The following NEO1 variants were observed in gnomAD, a reference collection of about 807,000 sequenced individuals.
NEO1 encodes the protein neogenin 1.
NEO1 carries 63 observed loss-of-function variants against 159.7 expected under a neutral mutation model. The ratio of observed to expected loss-of-function variants is 0.39; its 90% CI spans 0.32 to 0.49. The LOEUF (loss-of-function observed/expected upper bound fraction) is 0.49. NEO1 is among the 20% of genes least tolerant of loss of function. The pLI is 0.85. For missense variants in NEO1, 1,615 were observed against 1,831.0 expected (o/e 0.88, Z 2.15); for synonymous variants, 633 against 662.0 (o/e 0.96, Z 0.67).
Position 73,260,392 on chromosome 15 carries a change from T to C in NEO1, c.2325T>C (p.Tyr775=), listed in dbSNP as rs1189685713. Reference sequence around the variant, plus strand: ...TGGTCAGAGGTTACGCCATTGGTTATGGCATTGGCAGCCCTCATGCCCAGA... The same window carrying C: ...TGGTCAGAGGTTACGCCATTGGTTACGGCATTGGCAGCCCTCATGCCCAGA... ...NIVVRGYAIG[Y]GIGSPHAQTI... is the part of the protein sequence containing the mutation. The change falls in exon 15 of 29, where the codon TAT becomes TAC. Residue 775 remains tyrosine (Y), a synonymous_variant. Transcript: ENST00000261908. 2.5e-6 allele frequency: 4 copies of C among 1,614,092 alleles called. No homozygotes were observed. The highest frequency in any genetic ancestry group is 1.1e-5 in the South Asian group (1 of 91,072).
In NEO1 at chr15:73,128,446, A is replaced by G. The variant is rs75285219; in HGVS notation, c.878+1876A>G. On this transcript the variant is annotated intron_variant, in intron 4 of 28. Transcript: ENST00000261908. ...TAAAACTTATATATAATGATTTTTT[A>G]TGTCAGAAATAAATGTGAGGCTTTC... 8.7e-3 allele frequency among the ~76,000 whole-genome samples: 1,322 copies of G among 152,264 alleles called. 23 individuals carry two copies. Among genetic ancestry groups the G allele is most frequent in the African/African-American group, 0.03 (1,246 of 41,556 alleles).
At chr15:73,295,146 A>ATATATATATATAT (rs1277362385) in intron 26 of NEO1, among the ~76,000 whole-genome samples, 37 of 140,170 alleles carry the variant, frequency 2.6e-4, no homozygotes, top group African/African-American at 3.8e-4. Flanking sequence ...ATATATATGT[A>ATATATATATATAT]AAAATTTGGC....
chr15:73,211,962 T>TA (rs1197906033), intron 7 of NEO1, among the ~76,000 whole-genome samples: 1 of 152,242 alleles, frequency 6.6e-6, no homozygotes, highest in African/African-American at 2.4e-5. Flanking sequence ...ATTTGTCTGA[T>TA]ACTTTTTTGT....
At chr15:73,175,995 T>C (rs1402811368) in intron 5 of NEO1, among the ~76,000 whole-genome samples, 2 of 152,218 alleles carry the variant, frequency 1.3e-5, no homozygotes, top group African/African-American at 4.8e-5. Context: ...TGTTCTTACT[T>C]ATCAAGCTGA....
intron 8 of NEO1, among the ~76,000 whole-genome samples, chr15:73,240,356 G>C (rs1303586674): frequency 6.6e-6 from 1 of 152,152 alleles, no homozygotes; most frequent in Admixed American, 6.5e-5. Flanking sequence ...GTTGGCAGGG[G>C]CAGGTGGGCA....
chr15:73,188,972 A>G (rs2152003447), intron 7 of NEO1, among the ~76,000 whole-genome samples: 1 of 152,138 alleles, frequency 6.6e-6, no homozygotes, highest in African/African-American at 2.4e-5. Context: ...GGTGGCACAC[A>G]CCTTTGGTCC....
At position 73,298,561 on chromosome 15, in the gene NEO1, C is replaced by T. The variant is rs1208130544; in HGVS notation, c.4115C>T (p.Pro1372Leu). ...FAVPAIPPPG[P>L]PTYDPALPST... The stretch of plus-strand genomic sequence containing the variant: ...GTGCCAGCAATCCCGCCTCCAGGAC[C>T]TCCCACCTATGATCCTGCATTGCCA... Residue 1372 changes from proline to leucine, a missense_variant, in exon 27 of 29, where the codon CCT becomes CTT. By Grantham distance (98) the Pro-to-Leu change is moderately conservative (BLOSUM62 -3). Coordinates refer to ENST00000261908, the MANE Select transcript of NEO1 (RefSeq NM_002499.4). The T allele has an allele frequency of 4.3e-6, 7 of 1,614,222 alleles. No homozygotes were observed. In the East Asian group the frequency reaches 1.3e-4, roughly 31 times the overall value.
At chr15:73,168,498 G>A (rs186497919) in intron 5 of NEO1, among the ~76,000 whole-genome samples, 195 of 151,810 alleles carry the variant, frequency 1.3e-3, no homozygotes, top group Admixed American at 0.011. Flanking sequence ...CGCGCTGGCC[G>A]AGAAATACTT....
chr15:73,240,668 A>C (rs1392304484), intron 8 of NEO1, among the ~76,000 whole-genome samples: 1 of 152,226 alleles, frequency 6.6e-6, no homozygotes, highest in African/African-American at 2.4e-5. Context: ...AGAGTCAGGG[A>C]GACAAAATTG....
At chr15:73,119,014 C>CGT (rs1007445832) in intron 2 of NEO1, among the ~76,000 whole-genome samples, 1 of 138,658 alleles carries the variant, frequency 7.2e-6, no homozygotes, top group African/African-American at 2.5e-5. Flanking sequence ...TGTGTGTGTG[C>CGT]GCGCAATTAA....
At chr15:73,122,192 T>TATATATCTATATAAAAATATATC (rs2071708155) in intron 2 of NEO1, among the ~76,000 whole-genome samples, 1 of 150,310 alleles carries the variant, frequency 6.7e-6, no homozygotes, top group African/African-American at 2.4e-5. Flanking sequence ...ATAGATATCA[T>TATATATCTATATAAAAATATATC]ATATATTTTT....
chr15:73,118,770 T>G (rs1596041726), intron 2 of NEO1, among the ~76,000 whole-genome samples: 1 of 152,286 alleles, frequency 6.6e-6, no homozygotes, highest in Admixed American at 6.5e-5. Context: ...GAGTAAATAG[T>G]GCCCAAGCTA....
At chr15:73,131,368 G>T (rs1347197057) in intron 4 of NEO1, among the ~76,000 whole-genome samples, 1 of 152,204 alleles carries the variant, frequency 6.6e-6, no homozygotes, top group Admixed American at 6.5e-5. Context: ...TCTCCTCAGT[G>T]CAGGTTTGAA....
chr15:73,109,128 G>T (rs11856537), intron 1 of NEO1, among the ~76,000 whole-genome samples: 107,704 of 152,150 alleles, frequency 0.71, 39,122 homozygotes, highest in African/African-American at 0.88. Context: ...AATATGCGTA[G>T]AAGTACAGTC....
chr15:73,179,964 C>T (rs1159249542), intron 7 of NEO1, among the ~76,000 whole-genome samples: 1 of 151,656 alleles, frequency 6.6e-6, no homozygotes, highest in Non-Finnish European at 1.5e-5. Flanking sequence ...ATGTATTGAA[C>T]TTTTTATGTG....
At chr15:73,123,838 G>A (rs1829280350) in intron 3 of NEO1, among the ~76,000 whole-genome samples, 1 of 152,102 alleles carries the variant, frequency 6.6e-6, no homozygotes, top group African/African-American at 2.4e-5. Context: ...AGAGTTATAT[G>A]TCTATTAAAT....
chr15:73,097,456 G>A (rs1182074249), intron 1 of NEO1, among the ~76,000 whole-genome samples: 4 of 148,898 alleles, frequency 2.7e-5, no homozygotes, highest in Admixed American at 2.7e-4. Context: ...TGCCTCCCAG[G>A]TTCAAGCGAT....
At chr15:73,238,762 C>G (rs889164005) in intron 8 of NEO1, among the ~76,000 whole-genome samples, 16 of 151,870 alleles carry the variant, frequency 1.1e-4, no homozygotes, top group African/African-American at 3.9e-4. Flanking sequence ...CTGGAAAGCC[C>G]ATTAGAGTTA....
chr15:73,176,891 G>A (rs148936193), intron 6 of NEO1, among the ~76,000 whole-genome samples: 231 of 152,272 alleles, frequency 1.5e-3, no homozygotes, highest in African/African-American at 5.2e-3. Context: ...TGTGTCCCCA[G>A]TTGTCTTCAC....
Sources: gnomAD v4.1 joint callset for allele counts (sites outside exome capture counted in the v4.1 genomes callset) on GRCh38, gnomAD v4.1.1 for gene constraint, MANE v1.5 for transcripts, NCBI Gene and HGNC (gene_info 2026-07-23, HGNC 2026-07-21) for gene names.